The following SDK1 variants were observed in gnomAD, a reference collection of about 807,000 sequenced individuals.
SDK1 encodes the protein sidekick cell adhesion molecule 1, also known as protein sidekick-1.
SDK1 carries 157 observed loss-of-function variants against 245.5 expected under a neutral mutation model. That is an observed-to-expected ratio of 0.64 (90% CI 0.56 to 0.73). The LOEUF (loss-of-function observed/expected upper bound fraction) is 0.73. Ranked by LOEUF, SDK1 falls within the 30% of genes least tolerant of loss-of-function variation. The pLI, the probability that SDK1 is intolerant of heterozygous loss-of-function variation, is 0.00. For synonymous variants in SDK1, 1,647 were observed against 1,278.5 expected (o/e 1.29, Z -6.15); for missense variants, 3,583 against 3,002.3 (o/e 1.19, Z -4.52).
intron 9 of SDK1, among the ~76,000 whole-genome samples, chr7:3,963,138 G>A (rs568826178): frequency 0.011 from 1,211 of 111,270 alleles, 8 homozygotes; most frequent in South Asian, 0.031. Flanking sequence ...TGATCTGGAC[G>A]TATCCAGTGA....
At position 3,463,349 on chromosome 7, in the gene SDK1, CATGAATGAATGAATGA is replaced by C. The variant is rs58081155; in HGVS notation, c.299-155713_299-155698del. ...GTCATATAGTTAGGACTCACATATT[CATGAATGAATGAATGA>C]ATGAATGAATGAATGAACATAGATT... On this transcript the variant is annotated intron_variant, in intron 1 of 44. Coordinates refer to ENST00000404826, the MANE Select transcript of SDK1 (RefSeq NM_152744.4). Among the ~76,000 whole-genome samples, 130 of 151,862 alleles carry C rather than the reference CATGAATGAATGAATGA, an allele frequency of 8.6e-4. No homozygotes were observed. In the Middle Eastern group the frequency reaches 0.01, roughly 12 times the overall value.
intron 4 of SDK1, among the ~76,000 whole-genome samples, chr7:3,809,729 A>T (rs919636418): frequency 1.3e-5 from 2 of 152,196 alleles, no homozygotes; most frequent in African/African-American, 4.8e-5. Flanking sequence ...TCCAGCCACG[A>T]AGACATAATC....
intron 5 of SDK1, among the ~76,000 whole-genome samples, chr7:3,863,914 C>T (rs908956401): frequency 6.6e-6 from 1 of 152,070 alleles, no homozygotes; most frequent in Non-Finnish European, 1.5e-5. Flanking sequence ...GATACTTGTT[C>T]GAGTCTGCTT....
intron 5 of SDK1, among the ~76,000 whole-genome samples, chr7:3,916,600 T>G (rs1412734886): frequency 6.6e-6 from 1 of 152,226 alleles, no homozygotes; most frequent in Non-Finnish European, 1.5e-5. Flanking sequence ...CTCAACTAAT[T>G]ACTTAAGAGA....
At chr7:4,052,947 T>C (rs991364029) in intron 19 of SDK1, among the ~76,000 whole-genome samples, 3 of 151,338 alleles carry the variant, frequency 2.0e-5, no homozygotes, top group African/African-American at 4.9e-5. Context: ...ATTAGCTGGG[T>C]GTGGTGGCAG....
At chr7:3,611,753 A>G (rs533580158) in intron 1 of SDK1, among the ~76,000 whole-genome samples, 12 of 152,216 alleles carry the variant, frequency 7.9e-5, no homozygotes, top group Admixed American at 7.2e-4. Context: ...GATCAGGAAA[A>G]TGCAAATCGA....
intron 4 of SDK1, among the ~76,000 whole-genome samples, chr7:3,676,788 T>A (rs1470019011): frequency 2.0e-5 from 3 of 152,212 alleles, no homozygotes; most frequent in Non-Finnish European, 4.4e-5. Context: ...TTTACTCCAT[T>A]GCTTATTTTT....
intron 17 of SDK1, among the ~76,000 whole-genome samples, chr7:4,038,433 C>A (rs937149648): frequency 6.6e-6 from 1 of 151,942 alleles, no homozygotes; most frequent in African/African-American, 2.4e-5. Context: ...TTGAGGGATT[C>A]AAACTCATGC....
chr7:3,908,813 T>G lies in SDK1; in HGVS notation c.848-42110T>G, dbSNP rs113841534. On this transcript the variant is annotated intron_variant, in intron 5 of 44. Coordinates refer to ENST00000404826, the MANE Select transcript of SDK1 (RefSeq NM_152744.4). Reference sequence around the variant, plus strand: ...AAAAGGAAGCATTTTTGGGGGGACTTAGGAGGAAAGAATTCATTTTTTTTT... The same window carrying G: ...AAAAGGAAGCATTTTTGGGGGGACTGAGGAGGAAAGAATTCATTTTTTTTT... Among the ~76,000 whole-genome samples, 1,000 of 151,704 alleles carry G rather than the reference T, an allele frequency of 6.6e-3. 17 individuals carry two copies. The highest frequency in any genetic ancestry group is 0.022 in the African/African-American group (923 of 41,150).
At chr7:3,311,098 A>T (rs985002320) in intron 1 of SDK1, among the ~76,000 whole-genome samples, 5 of 151,912 alleles carry the variant, frequency 3.3e-5, no homozygotes, top group African/African-American at 1.2e-4. Context: ...TAGAGTGGGG[A>T]GTATGGACAG....
At chr7:3,421,084 G>C (rs1779522450) in intron 1 of SDK1, among the ~76,000 whole-genome samples, 1 of 146,542 alleles carries the variant, frequency 6.8e-6, no homozygotes. Flanking sequence ...CAGCAAATCT[G>C]TACTCTCCTT....
rs377614971 is a variant in SDK1 at position 4,077,235 on chromosome 7, G to A, written c.3202+46G>A. 2.1e-4 allele frequency: 334 copies of A among 1,566,306 alleles called. 1 individual carries two copies. Among genetic ancestry groups the A allele is most frequent in the Admixed American group, 3.2e-4 (18 of 56,488 alleles). On this transcript the variant is annotated intron_variant, in intron 21 of 44. Transcript: ENST00000404826. ...TCCTCCTGCTGTCACCTTTCTCTTG[G>A]AGATTCCCGAGGCTAGAAGTTGATT...
intron 1 of SDK1, among the ~76,000 whole-genome samples, chr7:3,342,881 T>A (rs941678607): frequency 1.3e-5 from 2 of 151,990 alleles, no homozygotes; most frequent in Non-Finnish European, 2.9e-5. Flanking sequence ...ATCAACAGAC[T>A]TTTCACCAAA....
rs537098633 is a variant in SDK1, at chr7:3,578,858, CAT to C, written c.299-40221_299-40220del. On this transcript the variant is annotated intron_variant, in intron 1 of 44. Transcript: ENST00000404826. ...ACTGATTTCATATTGTTCAAACACA[CAT>C]GTTTTACAATCATTTTATACAGTTA... 9.7e-4 allele frequency among the ~76,000 whole-genome samples: 147 copies of C among 151,986 alleles called. 1 individual carries two copies. The highest frequency in any genetic ancestry group is 2.7e-3 in the African/African-American group (113 of 41,480).
At chr7:3,615,993 C>G (rs1386309729) in intron 1 of SDK1, among the ~76,000 whole-genome samples, 1 of 152,086 alleles carries the variant, frequency 6.6e-6, no homozygotes, top group Admixed American at 6.6e-5. Flanking sequence ...CAAGTAATCC[C>G]TCCACCTCAG....
intron 5 of SDK1, among the ~76,000 whole-genome samples, chr7:3,850,334 CTTGGCATGGAGTAAGGGGTGACTTATT>C (rs1186046596): frequency 1.3e-5 from 2 of 152,202 alleles, no homozygotes; most frequent in Non-Finnish European, 2.9e-5. Flanking sequence ...TGTAACGTTG[CTTGGCATGGAGTAAGGGGTGACTTATT>C]TTACTCTTTT....
intron 17 of SDK1, among the ~76,000 whole-genome samples, chr7:4,037,844 A>G (rs1030394828): frequency 9.2e-5 from 14 of 152,162 alleles, no homozygotes; most frequent in African/African-American, 2.9e-4. Flanking sequence ...CTTCAGATTG[A>G]ATTTTGCTAT....
intron 35 of SDK1, among the ~76,000 whole-genome samples, chr7:4,197,556 C>A (rs1359280049): frequency 6.6e-6 from 1 of 152,212 alleles, no homozygotes; most frequent in East Asian, 1.9e-4. Context: ...GCGGTCAAGG[C>A]CTAATAGCCA....
intron 1 of SDK1, among the ~76,000 whole-genome samples, chr7:3,481,207 C>T (rs980663111): frequency 6.6e-6 from 1 of 152,108 alleles, no homozygotes; most frequent in South Asian, 2.1e-4. Context: ...TAATCCTTTA[C>T]AGTAGGTATT....
Sources: gnomAD v4.1 joint callset for allele counts (sites outside exome capture counted in the v4.1 genomes callset) on GRCh38, gnomAD v4.1.1 for gene constraint, MANE v1.5 for transcripts, NCBI Gene and HGNC (gene_info 2026-07-23, HGNC 2026-07-21) for gene names.